FAXDC2: variants seen among roughly 807,000 people sequenced by gnomAD.
FAXDC2 encodes fatty acid hydroxylase domain containing 2.
A neutral mutation model predicts 40.9 loss-of-function variants in FAXDC2; 41 were observed. That is an observed-to-expected ratio of 1.00 (90% CI 0.78 to 1.30). FAXDC2 has a LOEUF of 1.30. Among genes scored for constraint, FAXDC2 ranks in the 50% most tolerant of loss-of-function variants. The pLI is 0.00. For missense variants in FAXDC2, 390 were observed against 408.8 expected (o/e 0.95, Z 0.40); for synonymous variants, 157 against 149.3 (o/e 1.05, Z -0.38).
intron 5 of FAXDC2, chr5:154,829,654 A>G (rs1425235340): frequency 6.5e-6 from 1 of 154,438 alleles, no homozygotes; most frequent in Non-Finnish European, 1.5e-5. Flanking sequence ...TGGAGAGCCA[A>G]TTAAGAATGT....
intron 1 of FAXDC2, among the ~76,000 whole-genome samples, chr5:154,841,231 C>T (rs1760468997): frequency 6.6e-6 from 1 of 152,194 alleles, no homozygotes; most frequent in African/African-American, 2.4e-5. Flanking sequence ...CCTTCCCAAA[C>T]ATTGCTTGAC....
chr5:154,849,236 C>T (rs1408488559), intron 1 of FAXDC2, among the ~76,000 whole-genome samples: 2 of 150,788 alleles, frequency 1.3e-5, no homozygotes, highest in Non-Finnish European at 3.0e-5. Flanking sequence ...GCTGAAATCG[C>T]GCCACTGTAC....
chr5:154,825,618 T>G (rs1318345783), intron 5 of FAXDC2, among the ~76,000 whole-genome samples: 1 of 113,940 alleles, frequency 8.8e-6, no homozygotes, highest in Non-Finnish European at 1.7e-5. Flanking sequence ...TCCATTGCAC[T>G]CCAGCCTGGG....
intron 1 of FAXDC2, among the ~76,000 whole-genome samples, chr5:154,847,005 C>T (rs1017521073): frequency 7.2e-5 from 11 of 151,838 alleles, no homozygotes; most frequent in African/African-American, 2.2e-4. Context: ...GCTCTGTTGC[C>T]GAGACTGAAG....
intron 1 of FAXDC2, among the ~76,000 whole-genome samples, chr5:154,848,732 C>G (rs1398333961): frequency 6.6e-6 from 1 of 152,162 alleles, no homozygotes; most frequent in African/African-American, 2.4e-5. Flanking sequence ...TTTGGGAGGC[C>G]GAGGTGGGCA....
Position 154,834,610 on chromosome 5 carries a change from G to C in FAXDC2, c.244+15C>G. ...TGCACCCACATGCTAGGTGCTGGTG[G>C]TCTGGGAACCTCACCTATAAAGAAG... On this transcript the variant is annotated intron_variant, in intron 4 of 8. Coordinates refer to ENST00000326080, the MANE Select transcript of FAXDC2 (RefSeq NM_032385.5). 1 of 1,553,512 alleles carries C rather than the reference G, an allele frequency of 6.4e-7. No individual in the cohort carries two copies. Among genetic ancestry groups the C allele is most frequent in the Non-Finnish European group, 8.9e-7 (1 of 1,124,486 alleles).
intron 1 of FAXDC2, among the ~76,000 whole-genome samples, chr5:154,842,973 A>C (rs1057326172): frequency 7.2e-5 from 11 of 152,188 alleles, no homozygotes; most frequent in Non-Finnish European, 1.6e-4. Flanking sequence ...GGCCCAGCTC[A>C]AATATTTAAT....
chr5:154,830,674 G>A, intron 5 of FAXDC2, 127 bp downstream of exon 5: 1 of 1,058,934 alleles, frequency 9.4e-7, no homozygotes, highest in Non-Finnish European at 1.4e-6. Context: ...CTAAACTGGG[G>A]GAGCCTTGTT....
At chr5:154,845,526 G>A (rs1368719425) in intron 1 of FAXDC2, among the ~76,000 whole-genome samples, 3 of 152,046 alleles carry the variant, frequency 2.0e-5, no homozygotes, top group African/African-American at 4.8e-5. Flanking sequence ...AGGCTGAAGC[G>A]GGAGGATTGC....
chr5:154,826,641 A>C (rs1282753649), intron 5 of FAXDC2, among the ~76,000 whole-genome samples: 1 of 152,144 alleles, frequency 6.6e-6, no homozygotes, highest in Admixed American at 6.5e-5. Context: ...GCAGCTGTGG[A>C]AATGTCTCTG....
At chr5:154,847,847 CT>C (rs140975103) in intron 1 of FAXDC2, among the ~76,000 whole-genome samples, 5 of 145,850 alleles carry the variant, frequency 3.4e-5, no homozygotes, top group Admixed American at 6.9e-5. Flanking sequence ...ATGAATGTTC[CT>C]TTTTTTTTTG....
At chr5:154,831,299 G>C in intron 4 of FAXDC2, 2 of 190,712 alleles carry the variant, frequency 1.0e-5, no homozygotes, top group South Asian at 2.0e-4. Context: ...AGCAAAGGAA[G>C]TACTCTGTAT....
intron 5 of FAXDC2, among the ~76,000 whole-genome samples, chr5:154,825,257 G>A (rs895015301): frequency 1.3e-5 from 2 of 151,616 alleles, no homozygotes; most frequent in East Asian, 1.9e-4. Flanking sequence ...CCAGCTACTC[G>A]GGAGGCTGAG....
At chr5:154,830,727 G>A (rs1760166767) in intron 5 of FAXDC2, 74 bp downstream of exon 5, 1 of 1,577,956 alleles carries the variant, frequency 6.3e-7, no homozygotes, top group African/African-American at 1.3e-5. Context: ...TCCTGGGCCA[G>A]TGGTGAGAAT....
intron 4 of FAXDC2, among the ~76,000 whole-genome samples, chr5:154,834,074 T>C (rs1375108246): frequency 1.3e-5 from 2 of 148,544 alleles, no homozygotes; most frequent in East Asian, 1.9e-4. Context: ...ATATATAATA[T>C]ATATTAAATA....
rs1760170796 is a variant in FAXDC2 at position 154,830,857 on chromosome 5, T to G, written c.310A>C (p.Thr104Pro). 1 of 1,614,082 alleles carries G rather than the reference T, an allele frequency of 6.2e-7. No individual in the cohort carries two copies. The highest frequency in any genetic ancestry group is 1.1e-5 in the South Asian group (1 of 91,086). ...FNGLLLVVDTTGKPNFISRYR... is the reference protein window; with the variant it reads ...FNGLLLVVDTPGKPNFISRYR... ...CGAGAGATGAAGTTAGGTTTTCCTG[T>G]TGTGTCAACCACCAATAGAAGCCCA... is the stretch of plus-strand genomic sequence containing the variant. The change falls in exon 5 of 9, where the codon ACA (threonine) becomes CCA (proline). Residue 104 changes from threonine to proline, a missense_variant. Coordinates refer to ENST00000326080, the MANE Select transcript of FAXDC2 (RefSeq NM_032385.5).
At chr5:154,847,179 G>T (rs949662282) in intron 1 of FAXDC2, among the ~76,000 whole-genome samples, 2 of 151,986 alleles carry the variant, frequency 1.3e-5, no homozygotes, top group African/African-American at 4.8e-5. Context: ...TGCCCAAGCT[G>T]GTCTTGGACT....
chr5:154,843,803 TA>T (rs1169778846), intron 1 of FAXDC2, among the ~76,000 whole-genome samples: 1 of 152,240 alleles, frequency 6.6e-6, no homozygotes, highest in Non-Finnish European at 1.5e-5. Flanking sequence ...GTATACTTTT[TA>T]TGAGGATATA....
At chr5:154,824,602 A>G (rs1759976033) in intron 5 of FAXDC2, 1 of 701,952 alleles carries the variant, frequency 1.4e-6, no homozygotes, top group African/African-American at 1.7e-5. Context: ...CACCTTCTGG[A>G]AACCTTGACC....
Sources: gnomAD v4.1 joint callset for allele counts (sites outside exome capture counted in the v4.1 genomes callset) on GRCh38, gnomAD v4.1.1 for gene constraint, MANE v1.5 for transcripts, NCBI Gene and HGNC (gene_info 2026-07-23, HGNC 2026-07-21) for gene names.